The following CABCOCO1 variants were observed in gnomAD, a reference collection of about 807,000 sequenced individuals.
The protein encoded by CABCOCO1 is ciliary associated calcium binding coiled-coil 1.
A neutral mutation model predicts 35.7 loss-of-function variants in CABCOCO1; 28 were observed. The ratio of observed to expected loss-of-function variants is 0.78; its 90% CI spans 0.58 to 1.07. The LOEUF is 1.07. CABCOCO1 is among the 50% of genes least tolerant of loss of function. The pLI is 0.00. For missense variants in CABCOCO1, 326 were observed against 309.2 expected, an observed-to-expected ratio of 1.05 and a Z score of -0.41; for synonymous variants, 95 against 100.1, an observed-to-expected ratio of 0.95 and a Z score of 0.30.
intron 5 of CABCOCO1, among the ~76,000 whole-genome samples, chr10:61,749,970 C>CAT (rs1554826353): frequency 1.4e-5 from 2 of 146,420 alleles, no homozygotes; most frequent in African/African-American, 2.5e-5. Context: ...ATGAGAGCTG[C>CAT]TTTTTTTTTT....
intron 4 of CABCOCO1, among the ~76,000 whole-genome samples, chr10:61,688,795 A>G (rs1411540014): frequency 5.3e-5 from 8 of 152,192 alleles, no homozygotes; most frequent in Admixed American, 3.9e-4. Context: ...CTAAGACTAA[A>G]TGTTTGACAA....
intron 5 of CABCOCO1, among the ~76,000 whole-genome samples, chr10:61,757,506 C>T (rs527965307): frequency 7.9e-5 from 12 of 152,024 alleles, no homozygotes; most frequent in African/African-American, 2.7e-4. Context: ...ATTCTCACCC[C>T]CCAGTTTTTG....
intron 5 of CABCOCO1, among the ~76,000 whole-genome samples, chr10:61,745,706 C>G (rs1841641204): frequency 6.6e-6 from 1 of 152,202 alleles, no homozygotes; most frequent in Non-Finnish European, 1.5e-5. Flanking sequence ...ACAAGAGACT[C>G]TTCTTTTAAA....
intron 2 of CABCOCO1, among the ~76,000 whole-genome samples, chr10:61,680,411 A>T (rs1839684724): frequency 7.5e-6 from 1 of 133,778 alleles, no homozygotes; most frequent in Non-Finnish European, 1.5e-5. Flanking sequence ...TATATAACAT[A>T]TATAATATAT....
chr10:61,711,024 A>T (rs1840722524), intron 5 of CABCOCO1, among the ~76,000 whole-genome samples: 1 of 152,004 alleles, frequency 6.6e-6, no homozygotes. Context: ...ATACAAAAGT[A>T]CTCAATACAA....
intron 7 of CABCOCO1, 148 bp downstream of exon 7, chr10:61,761,151 T>C: frequency 1.2e-6 from 1 of 819,332 alleles, no homozygotes; most frequent in Non-Finnish European, 1.9e-6. Context: ...AATTCTCAGT[T>C]GAGTCATCAG....
intron 5 of CABCOCO1, among the ~76,000 whole-genome samples, chr10:61,702,916 A>G (rs1564541043): frequency 6.7e-6 from 1 of 149,126 alleles, no homozygotes; most frequent in Non-Finnish European, 1.5e-5. Context: ...TGAAGAGGAG[A>G]AAAAAAAAAC....
In CABCOCO1 at chr10:61,680,652, T is replaced by TTATGTTATATATGTATAACATA. The variant is rs1839729175; in HGVS notation, c.165-482_165-481insTATGTATAACATATATGTTATA. Among the ~76,000 whole-genome samples the TTATGTTATATATGTATAACATA allele has an allele frequency of 1.7e-3, 66 of 38,032 alleles. 7 individuals carry two copies. The highest frequency in any genetic ancestry group is 3.7e-3 in the African/African-American group (61 of 16,498). 25.0% of individuals were successfully genotyped at this position (38,032 alleles called of 152,430 possible). ...ACATGTTATACATATATAATATATA[T>TTATGTTATATATGTATAACATA]TATGTTATACATGTATAACATATAT... On this transcript the variant is annotated intron_variant, in intron 2 of 7. Coordinates refer to ENST00000648843, the MANE Select transcript of CABCOCO1 (RefSeq NM_001366906.2).
intron 2 of CABCOCO1, among the ~76,000 whole-genome samples, chr10:61,679,376 C>T (rs1589114940): frequency 6.6e-6 from 1 of 151,738 alleles, no homozygotes; most frequent in Non-Finnish European, 1.5e-5. Flanking sequence ...GGAGGGGAAA[C>T]CTTAAAGTAC....
At chr10:61,692,736 T>A (rs1478878562) in intron 5 of CABCOCO1, among the ~76,000 whole-genome samples, 1 of 152,188 alleles carries the variant, frequency 6.6e-6, no homozygotes, top group Non-Finnish European at 1.5e-5. Context: ...GGAACCCTTT[T>A]TGCTTCTGAC....
intron 1 of CABCOCO1, among the ~76,000 whole-genome samples, chr10:61,665,036 G>A (rs1480568457): frequency 6.6e-6 from 1 of 152,168 alleles, no homozygotes; most frequent in African/African-American, 2.4e-5. Context: ...ACTGAGCCAA[G>A]CAGTTCTGAA....
At chr10:61,715,857 G>C (rs1285908630) in intron 5 of CABCOCO1, among the ~76,000 whole-genome samples, 3 of 152,142 alleles carry the variant, frequency 2.0e-5, no homozygotes, top group Admixed American at 2.0e-4. Context: ...CTTCTGGCTT[G>C]TAGGGTTTCT....
intron 5 of CABCOCO1, among the ~76,000 whole-genome samples, chr10:61,710,123 G>T (rs28608805): frequency 6.6e-6 from 1 of 151,850 alleles, no homozygotes; most frequent in African/African-American, 2.4e-5. Flanking sequence ...TATTTTAAAT[G>T]ATTTTTCCAG....
At chr10:61,736,354 C>T (rs1326078620) in intron 5 of CABCOCO1, among the ~76,000 whole-genome samples, 1 of 152,166 alleles carries the variant, frequency 6.6e-6, no homozygotes, top group Non-Finnish European at 1.5e-5. Context: ...CAATCTTCTG[C>T]ATATGGCTAG....
intron 5 of CABCOCO1, among the ~76,000 whole-genome samples, chr10:61,716,384 C>T (rs145960934): frequency 2.0e-3 from 297 of 152,218 alleles, no homozygotes; most frequent in African/African-American, 6.6e-3. Context: ...AAAGCAGTCA[C>T]AGAGTCAGCT....
At chr10:61,679,446 C>A (rs1839640420) in intron 2 of CABCOCO1, among the ~76,000 whole-genome samples, 1 of 152,138 alleles carries the variant, frequency 6.6e-6, no homozygotes, top group South Asian at 2.1e-4. Context: ...GGAGCAGATC[C>A]TTTCTGTAGC....
chr10:61,725,902 A>G (rs1227894457), intron 5 of CABCOCO1, among the ~76,000 whole-genome samples: 3 of 152,170 alleles, frequency 2.0e-5, no homozygotes, highest in Admixed American at 6.5e-5. Context: ...ACTTATACCA[A>G]GAAAAAAAAA....
chr10:61,739,568 CAG>C (rs10560717), intron 5 of CABCOCO1, among the ~76,000 whole-genome samples: 72,512 of 150,948 alleles, frequency 0.48, 18,262 homozygotes, highest in Middle Eastern at 0.59. Context: ...TGATTAGGGA[CAG>C]AGAGATTAAT....
chr10:61,718,511 A>C (rs1465720991), intron 5 of CABCOCO1, among the ~76,000 whole-genome samples: 2 of 152,186 alleles, frequency 1.3e-5, no homozygotes, highest in Non-Finnish European at 2.9e-5. Flanking sequence ...ATTTTCCCTA[A>C]AGATATTATT....
Sources: gnomAD v4.1 joint callset for allele counts (sites outside exome capture counted in the v4.1 genomes callset) on GRCh38, gnomAD v4.1.1 for gene constraint, MANE v1.5 for transcripts, NCBI Gene and HGNC (gene_info 2026-07-23, HGNC 2026-07-21) for gene names.